The following SLC39A9 variants were observed in gnomAD, a reference collection of about 807,000 sequenced individuals.
SLC39A9 encodes the protein solute carrier family 39 member 9, also known as zinc transporter ZIP9.
A neutral mutation model predicts 28.4 loss-of-function variants in SLC39A9; 14 were observed. The ratio of observed to expected loss-of-function variants is 0.49; its 90% CI spans 0.33 to 0.77. SLC39A9 has a LOEUF of 0.77. SLC39A9 is among the 30% of genes least tolerant of loss of function. SLC39A9 has a pLI of 0.02. For missense variants in SLC39A9, 283 were observed against 381.1 expected (o/e 0.74, Z 2.14); for synonymous variants, 119 against 149.6 (o/e 0.80, Z 1.49).
At chr14:69,458,084 T>G (rs1282313037) in intron 6 of SLC39A9, among the ~76,000 whole-genome samples, 2 of 152,238 alleles carry the variant, frequency 1.3e-5, no homozygotes, top group Non-Finnish European at 1.5e-5. Context: ...ATTTTATTCA[T>G]GAATCATAAT....
chr14:69,444,768 T>C (rs1885214683), intron 3 of SLC39A9, among the ~76,000 whole-genome samples: 1 of 152,192 alleles, frequency 6.6e-6, no homozygotes, highest in Non-Finnish European at 1.5e-5. Context: ...GAATGAACTA[T>C]GGTATGTACA....
chr14:69,409,535 C>T (rs1437686593), intron 1 of SLC39A9, among the ~76,000 whole-genome samples: 1 of 152,146 alleles, frequency 6.6e-6, no homozygotes, highest in African/African-American at 2.4e-5. Context: ...CAAGGTCTCA[C>T]TATGTTGCCC....
chr14:69,420,116 G>GT (rs1399090253), intron 1 of SLC39A9, among the ~76,000 whole-genome samples: 14 of 152,164 alleles, frequency 9.2e-5, no homozygotes, highest in African/African-American at 3.4e-4. Context: ...AATTTGTTAT[G>GT]TTTTTGCAGT....
intron 2 of SLC39A9, among the ~76,000 whole-genome samples, chr14:69,440,590 A>T (rs745638975): frequency 2.6e-5 from 4 of 152,160 alleles, no homozygotes; most frequent in Non-Finnish European, 5.9e-5. Context: ...TCTCAAAAAG[A>T]AAGAAAGAGA....
chr14:69,416,512 G>T (rs1883588136), intron 1 of SLC39A9, among the ~76,000 whole-genome samples: 1 of 152,188 alleles, frequency 6.6e-6, no homozygotes, highest in African/African-American at 2.4e-5. Flanking sequence ...GGGTCAAATG[G>T]TATTTCTAGT....
intron 1 of SLC39A9, among the ~76,000 whole-genome samples, chr14:69,406,072 G>A (rs1352235923): frequency 6.6e-6 from 1 of 152,172 alleles, no homozygotes; most frequent in Non-Finnish European, 1.5e-5. Flanking sequence ...CCTAATGAAT[G>A]CTGTGTAAAG....
rs927298759 is a variant in SLC39A9, at chr14:69,398,874, C to G, written c.-496C>G. 5.0e-6 allele frequency: 1 copy of G among 198,972 alleles called. No individual in the cohort carries two copies. The highest frequency in any genetic ancestry group is 1.0e-5 in the Non-Finnish European group (1 of 97,928). 12.3% of individuals were successfully genotyped at this position (198,972 alleles called of 1,614,324 possible). A position where few individuals can be genotyped will look rare whatever the true frequency, so the allele number is the denominator to read the frequency against. On this transcript the variant is annotated 5_prime_UTR_variant, in exon 1 of 7. Transcript: ENST00000336643. ...GCAGGACTCCTTTCCTCATCCCAGG[C>G]TCGGAGGAGAGTTTGCTGGGACTGG...
intron 3 of SLC39A9, among the ~76,000 whole-genome samples, chr14:69,450,398 A>G (rs1885548571): frequency 6.6e-6 from 1 of 152,166 alleles, no homozygotes; most frequent in South Asian, 2.1e-4. Flanking sequence ...ATGTGAAATA[A>G]AATTTTTCCT....
intron 1 of SLC39A9, among the ~76,000 whole-genome samples, chr14:69,403,950 G>C (rs1882775763): frequency 6.6e-6 from 1 of 152,222 alleles, no homozygotes; most frequent in African/African-American, 2.4e-5. Context: ...GGCTGAGGCA[G>C]GAGAATCGCT....
chr14:69,435,404 C>T (rs1217093475), intron 2 of SLC39A9, among the ~76,000 whole-genome samples: 12 of 152,116 alleles, frequency 7.9e-5, no homozygotes, highest in Admixed American at 7.9e-4. Flanking sequence ...ATATCTTTCC[C>T]TTCTATCCTT....
chr14:69,455,778 T>C lies in SLC39A9; in HGVS notation c.605T>C (p.Leu202Ser), dbSNP rs767155113. 2 of 1,614,236 alleles carry C rather than the reference T, an allele frequency of 1.2e-6. No individual in the cohort carries two copies. Among genetic ancestry groups the C allele is most frequent in the Non-Finnish European group, 1.7e-6 (2 of 1,180,032 alleles). Residue 202 changes from leucine to serine, a missense_variant, in exon 6 of 7, where the codon TTA becomes TCA. Coordinates refer to ENST00000336643, the MANE Select transcript of SLC39A9 (RefSeq NM_018375.5). The part of the protein sequence containing the change: ...GLVSFLMHAG[L>S]ERNRIRKHLL... The stretch of plus-strand genomic sequence containing the variant: ...GTTTCCTTCTTGATGCATGCTGGCT[T>C]AGAGCGGAATCGAATCAGAAAGCAC...
chr14:69,412,311 C>A (rs1365742864), intron 1 of SLC39A9, among the ~76,000 whole-genome samples: 1 of 151,548 alleles, frequency 6.6e-6, no homozygotes, highest in African/African-American at 2.4e-5. Context: ...ATGGCATGAA[C>A]CCGGGAGGCG....
chr14:69,450,446 A>AT (rs1885551394), intron 3 of SLC39A9, among the ~76,000 whole-genome samples: 1 of 152,220 alleles, frequency 6.6e-6, no homozygotes, highest in Admixed American at 6.5e-5. Flanking sequence ...TTAACGAATG[A>AT]TTTTTTAAAA....
chr14:69,421,816 C>T lies in SLC39A9; in HGVS notation c.97-2278C>T, dbSNP rs1220732990. 2.0e-5 allele frequency among the ~76,000 whole-genome samples: 3 copies of T among 152,272 alleles called. No individual in the cohort carries two copies. The East Asian group carries it at 5.8e-4, about 29-fold the overall frequency. ...GGTGTGGGACTCGCTAAGCAAGGAG[C>T]GGGATATAATCTCCTGGTGTGCCGT... On this transcript the variant is annotated intron_variant, in intron 1 of 6. Coordinates refer to ENST00000336643, the MANE Select transcript of SLC39A9 (RefSeq NM_018375.5).
In SLC39A9 at chr14:69,431,132, ATCT is replaced by A. The variant is rs1338387589; in HGVS notation, c.205+6935_205+6937del. The stretch of plus-strand genomic sequence containing the variant: ...CCAGTGTATCTCTCCATTTATTTAG[ATCT>A]TCTTTGATTTATTTCATCAGTGTTG... On this transcript the variant is annotated intron_variant, in intron 2 of 6. Transcript: ENST00000336643. Among the ~76,000 whole-genome samples, 9 of 152,078 alleles carry A rather than the reference ATCT, an allele frequency of 5.9e-5. No homozygotes were observed. In the East Asian group the frequency reaches 9.6e-4, roughly 16 times the overall value.
intron 3 of SLC39A9, among the ~76,000 whole-genome samples, chr14:69,443,938 C>T (rs539386014): frequency 6.6e-4 from 100 of 151,974 alleles, no homozygotes; most frequent in Non-Finnish European, 1.2e-3. Context: ...GTAATCCCAG[C>T]ACTTTGAGAG....
At chr14:69,440,460 T>G (rs374391299) in intron 2 of SLC39A9, among the ~76,000 whole-genome samples, 244 of 152,110 alleles carry the variant, frequency 1.6e-3, no homozygotes, top group South Asian at 6.2e-3. Flanking sequence ...GTAGCTCACA[T>G]CTGTAGTCCA....
chr14:69,399,459 C>T lies in SLC39A9; in HGVS notation c.90C>T (p.Phe30=), dbSNP rs749565186. 1.2e-6 allele frequency: 2 copies of T among 1,613,598 alleles called. No homozygotes were observed. The highest frequency in any genetic ancestry group is 1.1e-5 in the South Asian group (1 of 90,972). ...GAATCATTCCCTTGGCTGTTAATTTCTCAGAGGTAAGAAATTCTCAATTTT... is the reference window on the plus strand; with the variant it reads ...GAATCATTCCCTTGGCTGTTAATTTTTCAGAGGTAAGAAATTCTCAATTTT... ...VAGIIPLAVN[F]SEERLKLVTV... The change falls in exon 1 of 7, where the codon TTC becomes TTT. Residue 30 remains phenylalanine (F), a synonymous_variant. Transcript: ENST00000336643.
chr14:69,432,300 C>G (rs1884538931), intron 2 of SLC39A9, among the ~76,000 whole-genome samples: 1 of 152,116 alleles, frequency 6.6e-6, no homozygotes, highest in Non-Finnish European at 1.5e-5. Flanking sequence ...ATTTGCATTT[C>G]TCTGCCGATT....
Sources: allele counts gnomAD v4.1 joint callset (sites outside exome capture counted in the v4.1 genomes callset), GRCh38; gene constraint gnomAD v4.1.1; transcripts MANE v1.5; gene names NCBI Gene and HGNC (gene_info 2026-07-23, HGNC 2026-07-21).